The following LIN9 variants were observed in gnomAD, a reference collection of about 807,000 sequenced individuals.
LIN9 encodes lin-9 DREAM MuvB core complex component, also known as protein lin-9 homolog.
A neutral mutation model predicts 78.0 loss-of-function variants in LIN9; 18 were observed. The observed-to-expected ratio is 0.23, with a 90% CI of 0.16 to 0.34. LIN9 has a LOEUF of 0.34. LIN9 is among the 10% of genes least tolerant of loss of function. LIN9 has a pLI of 1.00. For synonymous variants in LIN9, 192 were observed against 215.2 expected, an observed-to-expected ratio of 0.89 and a Z score of 0.94; for missense variants, 451 against 644.1, an observed-to-expected ratio of 0.70 and a Z score of 3.25.
intron 4 of LIN9, among the ~76,000 whole-genome samples, chr1:226,290,868 T>C (rs924572161): frequency 6.6e-6 from 1 of 152,028 alleles, no homozygotes; most frequent in South Asian, 2.1e-4. Flanking sequence ...CCTATTCTCA[T>C]GCCTCAGCCT....
rs1037491771 is a variant in LIN9, at chr1:226,232,436, C to T, written c.*65G>A. The T allele has an allele frequency of 9.5e-7, 1 of 1,049,144 alleles. No homozygotes were observed. The highest frequency in any genetic ancestry group is 1.4e-6 in the Non-Finnish European group (1 of 696,210). 65.0% of individuals were successfully genotyped at this position (1,049,144 alleles called of 1,614,324 possible). A position where few individuals can be genotyped will look rare whatever the true frequency, so the allele number is the denominator to read the frequency against. Reference sequence around the variant, plus strand: ...AGTTAGGTTATTTGGTGTTGGAAGCCTATATAAAGGAAAAGAACTTCTCAA... The same window carrying T: ...AGTTAGGTTATTTGGTGTTGGAAGCTTATATAAAGGAAAAGAACTTCTCAA... On this transcript the variant is annotated 3_prime_UTR_variant, in exon 15 of 15. Coordinates refer to ENST00000681046, the MANE Select transcript of LIN9 (RefSeq NM_001366245.2).
intron 4 of LIN9, among the ~76,000 whole-genome samples, chr1:226,293,983 G>A (rs35617502): frequency 0.029 from 4,413 of 152,204 alleles, 81 homozygotes; most frequent in Non-Finnish European, 0.045. Flanking sequence ...TGGTAGGGTA[G>A]ATTGCTGGTC....
At chr1:226,272,251 T>A (rs1446308285) in intron 7 of LIN9, among the ~76,000 whole-genome samples, 2 of 152,014 alleles carry the variant, frequency 1.3e-5, no homozygotes, top group African/African-American at 4.8e-5. Context: ...AGACGGGGTT[T>A]CACCATGTTG....
In LIN9 at chr1:226,297,816, G is replaced by A. The variant is rs983553258; in HGVS notation, c.65-3C>T. ...CCACGTGTTAGATAAGCTTCCTTCTGTAATAAATAGTTAATACTAATGGAA... is the reference window on the plus strand; with the variant it reads ...CCACGTGTTAGATAAGCTTCCTTCTATAATAAATAGTTAATACTAATGGAA... On this transcript the variant is annotated splice_polypyrimidine_tract_variant and splice_region_variant and intron_variant, in intron 2 of 14. Coordinates refer to ENST00000681046, the MANE Select transcript of LIN9 (RefSeq NM_001366245.2). 3.3e-6 allele frequency: 5 copies of A among 1,533,464 alleles called. No individual in the cohort carries two copies. The highest frequency in any genetic ancestry group is 2.3e-5 in the East Asian group (1 of 43,286). The allele number at this position is 1,533,464 out of a possible 1,614,324, so 95.0% of individuals were successfully genotyped here.
At position 226,295,962 on chromosome 1, in the gene LIN9, T is replaced by G; in HGVS notation, c.160-16A>C. The stretch of plus-strand genomic sequence containing the variant: ...TTCTGAAAGGCTATGATAGAAATGT[T>G]TTCATTTAATGAAAAAGCCGAACCC... On this transcript the variant is annotated splice_polypyrimidine_tract_variant and intron_variant, in intron 3 of 14. Coordinates refer to ENST00000681046, the MANE Select transcript of LIN9 (RefSeq NM_001366245.2). The G allele has an allele frequency of 6.4e-7, 1 of 1,564,806 alleles. No homozygotes were observed.
At chr1:226,293,087 A>G (rs1661896236) in intron 4 of LIN9, among the ~76,000 whole-genome samples, 1 of 152,210 alleles carries the variant, frequency 6.6e-6, no homozygotes, top group Non-Finnish European at 1.5e-5. Flanking sequence ...ACATACAGAC[A>G]AAATACGAGA....
intron 6 of LIN9, among the ~76,000 whole-genome samples, chr1:226,279,997 A>G (rs963737015): frequency 1.3e-5 from 2 of 152,164 alleles, no homozygotes; most frequent in Non-Finnish European, 2.9e-5. Flanking sequence ...AAAGAACATG[A>G]TATTTTCTCT....
At chr1:226,309,641 C>A, upstream of LIN9, 1 of 1,276,094 alleles carries the variant, frequency 7.8e-7, no homozygotes, top group Non-Finnish European at 1.0e-6. Context: ...CCGAAACCCA[C>A]GTTGCTTGGG....
intron 10 of LIN9, among the ~76,000 whole-genome samples, chr1:226,252,103 G>A (rs941300274): frequency 1.3e-5 from 2 of 151,872 alleles, no homozygotes; most frequent in Non-Finnish European, 2.9e-5. Flanking sequence ...CTAGGAGTTT[G>A]AGACCTCATC....
At chr1:226,234,393 A>G (rs561904552) in intron 12 of LIN9, among the ~76,000 whole-genome samples, 2 of 152,338 alleles carry the variant, frequency 1.3e-5, no homozygotes, top group Admixed American at 1.3e-4. Context: ...ATGAACTAGT[A>G]TCAGTATGAA....
In LIN9 at chr1:226,233,618, T is replaced by TA. The variant is rs1576265844; in HGVS notation, c.1246-96dup. On this transcript the variant is annotated intron_variant, in intron 12 of 14. Coordinates refer to ENST00000681046, the MANE Select transcript of LIN9 (RefSeq NM_001366245.2). ...CCCTCTTTTCAGATTTTAATTTTTA[T>TA]AAAACTAGCATTTAAAACTAAAGTG... 4.4e-6 allele frequency: 4 copies of TA among 918,620 alleles called. No individual in the cohort carries two copies. In the East Asian group the frequency reaches 9.3e-5, roughly 21 times the overall value. 56.9% of individuals were successfully genotyped at this position (918,620 alleles called of 1,614,324 possible).
intron 4 of LIN9, among the ~76,000 whole-genome samples, 157 bp downstream of exon 4, chr1:226,295,685 A>T (rs1157697427): frequency 2.0e-5 from 3 of 152,194 alleles, no homozygotes; most frequent in Non-Finnish European, 2.9e-5. Flanking sequence ...TGATCAAAAA[A>T]ATAACATTTT....
At chr1:226,285,065 T>C (rs1661308479) in intron 6 of LIN9, among the ~76,000 whole-genome samples, 1 of 152,162 alleles carries the variant, frequency 6.6e-6, no homozygotes, top group Non-Finnish European at 1.5e-5. Flanking sequence ...TTAACCTTGA[T>C]GAATTAAAGG....
At chr1:226,283,608 T>C (rs957063647) in intron 6 of LIN9, among the ~76,000 whole-genome samples, 3 of 152,150 alleles carry the variant, frequency 2.0e-5, no homozygotes, top group Non-Finnish European at 4.4e-5. Flanking sequence ...TATTTTTGTA[T>C]AGCCAAATTT....
chr1:226,253,282 GAGAAAGAA>G (rs1200764300), intron 10 of LIN9, among the ~76,000 whole-genome samples: 4 of 127,032 alleles, frequency 3.1e-5, no homozygotes, highest in Non-Finnish European at 3.4e-5. Context: ...AAAAAAAAAA[GAGAAAGAA>G]AGAAAGAAAA....
intron 7 of LIN9, among the ~76,000 whole-genome samples, chr1:226,274,060 T>C (rs185903810): frequency 6.6e-6 from 1 of 152,106 alleles, no homozygotes; most frequent in African/African-American, 2.4e-5. Context: ...CTGCAACTCC[T>C]GGCCTCAAGT....
chr1:226,273,834 C>CTTTTTTTTTTTTT (rs572172734), intron 7 of LIN9, among the ~76,000 whole-genome samples: 1 of 137,136 alleles, frequency 7.3e-6, no homozygotes. Flanking sequence ...CTCAACATTA[C>CTTTTTTTTTTTTT]TTTTTTTTTT....
rs1387471546 is a variant in LIN9, at chr1:226,273,148, G to T, written c.682+4627C>A. On this transcript the variant is annotated intron_variant, in intron 7 of 14. Coordinates refer to ENST00000681046, the MANE Select transcript of LIN9 (RefSeq NM_001366245.2). ...TCATTGGCATTTAATACAACAATAG[G>T]ATGGCCAGACTTAAGTCTACCACCT... Among the ~76,000 whole-genome samples, 4 of 151,794 alleles carry T rather than the reference G, an allele frequency of 2.6e-5. No homozygotes were observed. In the East Asian group the frequency reaches 7.7e-4, roughly 29 times the overall value.
At chr1:226,276,736 C>T (rs942067169) in intron 7 of LIN9, among the ~76,000 whole-genome samples, 2 of 152,134 alleles carry the variant, frequency 1.3e-5, no homozygotes, top group African/African-American at 2.4e-5. Context: ...ATTCTATCCA[C>T]TTAACTCCTT....
Sources: gnomAD v4.1 joint callset for allele counts (sites outside exome capture counted in the v4.1 genomes callset) on GRCh38, gnomAD v4.1.1 for gene constraint, MANE v1.5 for transcripts, NCBI Gene and HGNC (gene_info 2026-07-23, HGNC 2026-07-21) for gene names.